Variants in LUZP2 observed in about 807,000 individuals in gnomAD.
LUZP2 encodes the protein leucine zipper protein 2.
LUZP2 carries 52 observed loss-of-function variants against 51.6 expected under a neutral mutation model. That is an observed-to-expected ratio of 1.01 (90% CI 0.81 to 1.27). The LOEUF (loss-of-function observed/expected upper bound fraction) is 1.27, where lower values mean the gene tolerates loss of function less well. Ranked by LOEUF, LUZP2 falls within the 50% of genes most tolerant of loss-of-function variation. LUZP2 has a pLI of 0.00. For synonymous variants in LUZP2, 154 were observed against 137.3 expected (o/e 1.12, Z -0.85); for missense variants, 436 against 395.4 (o/e 1.10, Z -0.87).
intron 5 of LUZP2, among the ~76,000 whole-genome samples, chr11:24,842,950 G>A (rs1327731958): frequency 1.3e-5 from 2 of 151,658 alleles, no homozygotes; most frequent in Non-Finnish European, 2.9e-5. Context: ...AAAGCAAGGA[G>A]TATAAGCATC....
intron 1 of LUZP2, among the ~76,000 whole-genome samples, chr11:24,525,341 T>G: frequency 6.6e-6 from 1 of 151,628 alleles, no homozygotes; most frequent in East Asian, 1.9e-4. Context: ...CACATAATCC[T>G]AGAAGGTATG....
chr11:24,783,572 T>A (rs895438979), intron 5 of LUZP2, among the ~76,000 whole-genome samples: 9 of 151,990 alleles, frequency 5.9e-5, no homozygotes, highest in African/African-American at 1.9e-4. Context: ...TCAAAATGAT[T>A]CCTCTGGTAT....
At chr11:24,712,442 A>G (rs1417572490) in intron 1 of LUZP2, among the ~76,000 whole-genome samples, 1 of 152,176 alleles carries the variant, frequency 6.6e-6, no homozygotes, top group African/African-American at 2.4e-5. Context: ...AATTCCCAAC[A>G]CATCATCATC....
At chr11:24,917,452 A>G (rs896920390) in intron 7 of LUZP2, among the ~76,000 whole-genome samples, 1 of 151,744 alleles carries the variant, frequency 6.6e-6, no homozygotes, top group Non-Finnish European at 1.5e-5. Context: ...TTCTTCTAGG[A>G]TTTTTATGGT....
At chr11:24,877,856 G>C (rs1170445462) in intron 5 of LUZP2, among the ~76,000 whole-genome samples, 1 of 152,034 alleles carries the variant, frequency 6.6e-6, no homozygotes, top group Non-Finnish European at 1.5e-5. Flanking sequence ...GAGAACACGT[G>C]ATATTTGTCT....
chr11:24,783,157 T>C (rs1346107416), intron 5 of LUZP2, among the ~76,000 whole-genome samples: 1 of 152,080 alleles, frequency 6.6e-6, no homozygotes, highest in African/African-American at 2.4e-5. Context: ...ACATGTCCAT[T>C]GTCTAAGTTC....
intron 7 of LUZP2, among the ~76,000 whole-genome samples, chr11:24,959,241 C>T (rs1185607989): frequency 6.6e-6 from 1 of 152,036 alleles, no homozygotes. Context: ...GATGCGGGCT[C>T]TTTTTTAGTT....
intron 5 of LUZP2, among the ~76,000 whole-genome samples, chr11:24,897,651 T>A (rs1345690546): frequency 6.6e-6 from 1 of 152,156 alleles, no homozygotes; most frequent in Admixed American, 6.5e-5. Context: ...TGGACACACA[T>A]ATTTAAGAAT....
chr11:24,547,253 A>G (rs1198442908), intron 1 of LUZP2, among the ~76,000 whole-genome samples: 1 of 152,108 alleles, frequency 6.6e-6, no homozygotes, highest in Admixed American at 6.6e-5. Context: ...AAGAGTTCAA[A>G]TTGCCAAAGC....
rs1350763508 is a variant in LUZP2, at chr11:24,900,715, G to A, written c.397-5276G>A. On this transcript the variant is annotated intron_variant, in intron 5 of 11. Transcript: ENST00000336930. ...ACCATGTTCAAACACAGCAAACACC[G>A]AGCTGTAACCAGAGGAGCTGTTTTT... Among the ~76,000 whole-genome samples the A allele has an allele frequency of 7.9e-5, 12 of 152,098 alleles. No individual in the cohort carries two copies. The South Asian group carries it at 1.5e-3, about 18-fold the overall frequency.
intron 1 of LUZP2, among the ~76,000 whole-genome samples, chr11:24,683,753 G>A (rs1050421140): frequency 6.6e-6 from 1 of 152,174 alleles, no homozygotes; most frequent in Non-Finnish European, 1.5e-5. Flanking sequence ...CTCAGCAGGA[G>A]TGCCTCTTGC....
chr11:25,056,191 T>TA lies in LUZP2; in HGVS notation c.858+6062dup, dbSNP rs984797264. Among the ~76,000 whole-genome samples the TA allele has an allele frequency of 3.9e-5, 6 of 152,116 alleles. No individual in the cohort carries two copies. The East Asian group carries it at 1.2e-3, about 29-fold the overall frequency. On this transcript the variant is annotated intron_variant, in intron 10 of 11. Transcript: ENST00000336930. ...CAGATGCAGCTAGTAGAAACAGCTATAGGAAGAATAATATTTTAGTCAAAT... is the reference window on the plus strand; with the variant it reads ...CAGATGCAGCTAGTAGAAACAGCTATAAGGAAGAATAATATTTTAGTCAAAT...
At chr11:24,613,490 C>CT (rs895877527) in intron 1 of LUZP2, among the ~76,000 whole-genome samples, 12 of 151,792 alleles carry the variant, frequency 7.9e-5, no homozygotes, top group South Asian at 2.1e-4. Flanking sequence ...CTACATTTAA[C>CT]TTTTTTTTAA....
At chr11:24,791,677 A>C (rs1590534773) in intron 5 of LUZP2, among the ~76,000 whole-genome samples, 1 of 152,072 alleles carries the variant, frequency 6.6e-6, no homozygotes, top group African/African-American at 2.4e-5. Context: ...AAAAGGGTTA[A>C]ATTAGTTCTT....
intron 1 of LUZP2, among the ~76,000 whole-genome samples, chr11:24,560,185 A>G (rs6484056): frequency 1 from 151,515 of 152,228 alleles, 75,403 homozygotes; most frequent in East Asian, 1. Context: ...CGTGTTATGA[A>G]ATGATGGGCC....
intron 5 of LUZP2, among the ~76,000 whole-genome samples, chr11:24,763,929 C>T (rs1198075663): frequency 2.0e-5 from 3 of 152,090 alleles, no homozygotes; most frequent in African/African-American, 7.2e-5. Flanking sequence ...ATGACTAATT[C>T]ACGATAAGTC....
intron 1 of LUZP2, among the ~76,000 whole-genome samples, chr11:24,556,979 A>T (rs1223377184): frequency 6.6e-6 from 1 of 152,144 alleles, no homozygotes; most frequent in Non-Finnish European, 1.5e-5. Flanking sequence ...TATTTCATCC[A>T]GGCCATGCAC....
At chr11:24,524,480 A>C (rs1369166237) in intron 1 of LUZP2, among the ~76,000 whole-genome samples, 1 of 151,756 alleles carries the variant, frequency 6.6e-6, no homozygotes, top group Non-Finnish European at 1.5e-5. Flanking sequence ...TTTTCTTCTA[A>C]TTCAGAGCTC....
rs776739280 is a variant in LUZP2, at chr11:24,774,362, C to CTCTCTCTATATA, written c.396+11055_396+11056insCTCTCTATATAT. Among the ~76,000 whole-genome samples, 226 of 76,276 alleles carry CTCTCTCTATATA rather than the reference C, an allele frequency of 3.0e-3. 3 individuals carry two copies. The highest frequency in any genetic ancestry group is 8.5e-3 in the African/African-American group (142 of 16,704). 50.0% of individuals were successfully genotyped at this position (76,276 alleles called of 152,430 possible). ...TCTCTCTCTCTCTCTCTCTCTCTCT[C>CTCTCTCTATATA]TATATATATATATATATATACATAC... On this transcript the variant is annotated intron_variant, in intron 5 of 11. Transcript: ENST00000336930.
Sources: gnomAD v4.1 joint callset for allele counts (sites outside exome capture counted in the v4.1 genomes callset) on GRCh38, gnomAD v4.1.1 for gene constraint, MANE v1.5 for transcripts, NCBI Gene and HGNC (gene_info 2026-07-23, HGNC 2026-07-21) for gene names.